CAMSAP1: variants seen among roughly 807,000 people sequenced by gnomAD.
The protein encoded by CAMSAP1 is calmodulin regulated spectrin associated protein 1.
A neutral mutation model predicts 143.5 loss-of-function variants in CAMSAP1; 58 were observed. That is an observed-to-expected ratio of 0.40 (90% CI 0.33 to 0.50). CAMSAP1 has a LOEUF of 0.50. CAMSAP1 is among the 20% of genes least tolerant of loss of function. The probability of loss-of-function intolerance (pLI) is 0.45; values close to 1 mark genes in which losing one functional copy is unlikely to be tolerated. For missense variants in CAMSAP1, 1,969 were observed against 2,115.7 expected, an observed-to-expected ratio of 0.93 and a Z score of 1.36; for synonymous variants, 945 against 859.3, an observed-to-expected ratio of 1.10 and a Z score of -1.74.
chr9:135,850,420 A>G lies in CAMSAP1; in HGVS notation c.850T>C (p.Tyr284His). ...KEVTSMADSL[Y>H]NIRLLREFSN... ...AATTCTCTCAGAAGCCGAATATTATACAGACTGTCGGCCATCGACGTTACC... is the reference window on the plus strand; with the variant it reads ...AATTCTCTCAGAAGCCGAATATTATGCAGACTGTCGGCCATCGACGTTACC... The change falls in exon 6 of 17, where the codon TAT becomes CAT. Residue 284 changes from tyrosine (Y) to histidine (H), a missense_variant. Coordinates refer to ENST00000389532, the MANE Select transcript of CAMSAP1 (RefSeq NM_015447.4). 2 of 1,607,992 alleles carry G rather than the reference A, an allele frequency of 1.2e-6. No homozygotes were observed. The highest frequency in any genetic ancestry group is 1.3e-5 in the African/African-American group (1 of 74,648).
intron 16 of CAMSAP1, among the ~76,000 whole-genome samples, chr9:135,813,876 A>G (rs1268345803): frequency 6.6e-6 from 1 of 152,230 alleles, no homozygotes; most frequent in Non-Finnish European, 1.5e-5. Flanking sequence ...AGGGCTTTCC[A>G]TGGCCCACAG....
intron 1 of CAMSAP1, among the ~76,000 whole-genome samples, chr9:135,894,478 G>A (rs1210546340): frequency 2.0e-5 from 3 of 152,194 alleles, no homozygotes; most frequent in Non-Finnish European, 4.4e-5. Context: ...TCTTGGTCCT[G>A]TGCGCAGAGA....
Position 135,827,436 on chromosome 9 carries a change from G to A in CAMSAP1, c.1194C>T (p.His398=), listed in dbSNP as rs1424108058. The A allele has an allele frequency of 5.7e-6, 9 of 1,588,952 alleles. No homozygotes were observed. The highest frequency in any genetic ancestry group is 1.7e-5 in the Admixed American group (1 of 58,152). The change falls in exon 8 of 17, where the codon CAC becomes CAT. Residue 398 remains histidine (H), a synonymous_variant. Coordinates refer to ENST00000389532, the MANE Select transcript of CAMSAP1 (RefSeq NM_015447.4). The part of the protein sequence containing the change: ...VQLPAEGCHR[H]YLHPEEPEYL... ...ATTCAGGTTCTTCCGGGTGCAGGTA[G>A]TGCCTGTGACAGCCTTCCGCCGGCA...
Position 135,883,073 on chromosome 9 carries a change from T to A in CAMSAP1, c.166A>T (p.Ile56Phe). 2.6e-6 allele frequency: 4 copies of A among 1,551,622 alleles called. No individual in the cohort carries two copies. Among genetic ancestry groups the A allele is most frequent in the Non-Finnish European group, 3.5e-6 (4 of 1,146,970 alleles). ...ICAKAYGRDNIPEDLRDPFYV... is the reference protein window; with the variant it reads ...ICAKAYGRDNFPEDLRDPFYV... ...AAAGGGTCTCTGAGGTCCTCAGGGATGTTATCTAAGACAGGGAGGGGATGA... is the reference window on the plus strand; with the variant it reads ...AAAGGGTCTCTGAGGTCCTCAGGGAAGTTATCTAAGACAGGGAGGGGATGA... Residue 56 changes from isoleucine (I) to phenylalanine (F), a missense_variant, in exon 2 of 17, where the codon ATC becomes TTC. Physicochemically the swap from Ile to Phe is conservative, Grantham distance 21. Coordinates refer to ENST00000389532, the MANE Select transcript of CAMSAP1 (RefSeq NM_015447.4).
At chr9:135,812,728 G>T (rs763893295) in intron 16 of CAMSAP1, among the ~76,000 whole-genome samples, 14 of 152,198 alleles carry the variant, frequency 9.2e-5, no homozygotes, top group African/African-American at 1.4e-4. Flanking sequence ...CAACACTTTG[G>T]GAAGCTGAGG....
At chr9:135,883,213 ATAAT>A (rs780327956) in intron 1 of CAMSAP1, 135 bp from the exon 2 acceptor site, 24 of 906,620 alleles carry the variant, frequency 2.6e-5, no homozygotes, top group East Asian at 5.3e-5. Flanking sequence ...GTCAAAAAAA[ATAAT>A]TGATTGATTG....
At position 135,907,359 on chromosome 9, in the gene CAMSAP1, A is replaced by C; in HGVS notation, c.-200T>G. ...CGGCTGCTGCATGCTGCGGGCGCTG[A>C]GCCCGAGCGGAGGAGGTGCCGAGCC... On this transcript the variant is annotated 5_prime_UTR_variant, in exon 1 of 17. Coordinates refer to ENST00000389532, the MANE Select transcript of CAMSAP1 (RefSeq NM_015447.4). 5.7e-6 allele frequency: 1 copy of C among 176,872 alleles called. No individual in the cohort carries two copies. Among genetic ancestry groups the C allele is most frequent in the Non-Finnish European group, 1.1e-5 (1 of 93,370 alleles). The allele number at this position is 176,872 out of a possible 1,614,324, so 11.0% of individuals were successfully genotyped here.
intron 14 of CAMSAP1, 127 bp downstream of exon 14, chr9:135,817,850 G>T: frequency 1.3e-6 from 1 of 753,928 alleles, no homozygotes; most frequent in Non-Finnish European, 2.1e-6. Context: ...CAACTATTCT[G>T]TAAATGTGAA....
At chr9:135,813,228 G>A (rs1218658004) in intron 16 of CAMSAP1, among the ~76,000 whole-genome samples, 2 of 152,144 alleles carry the variant, frequency 1.3e-5, no homozygotes, top group East Asian at 3.9e-4. Context: ...CCAAGTGTGC[G>A]GCAGAACCTT....
In CAMSAP1 at chr9:135,875,336, A is replaced by G. The variant is rs139488992; in HGVS notation, c.585+6297T>C. 8.7e-3 allele frequency among the ~76,000 whole-genome samples: 1,319 copies of G among 152,028 alleles called. 18 individuals are homozygous for G. Among genetic ancestry groups the G allele is most frequent in the African/African-American group, 0.03 (1,242 of 41,418 alleles). ...GCAATTCTCCTGTCTCAGCCTCCCA[A>G]GCAGCTGGGATTACAGGCATGTGCC... On this transcript the variant is annotated intron_variant, in intron 3 of 16. Transcript: ENST00000389532.
intron 3 of CAMSAP1, among the ~76,000 whole-genome samples, chr9:135,877,340 G>A (rs982991068): frequency 6.6e-6 from 1 of 152,000 alleles, no homozygotes; most frequent in Admixed American, 6.6e-5. Flanking sequence ...CTGCATTGGG[G>A]TAGAGGATTA....
chr9:135,894,487 G>C (rs1838388843), intron 1 of CAMSAP1, among the ~76,000 whole-genome samples: 1 of 152,208 alleles, frequency 6.6e-6, no homozygotes, highest in Non-Finnish European at 1.5e-5. Flanking sequence ...TGTGCGCAGA[G>C]ACTCCCATGT....
In CAMSAP1 at chr9:135,829,128, G is replaced by A. The variant is rs558909363; in HGVS notation, c.1046-1544C>T. The stretch of plus-strand genomic sequence containing the variant: ...AACATAAAAAGTATGAAACGTATTG[G>A]TAAAGGGAAATATACAGACACAAAC... On this transcript the variant is annotated intron_variant, in intron 7 of 16. Coordinates refer to ENST00000389532, the MANE Select transcript of CAMSAP1 (RefSeq NM_015447.4). Among the ~76,000 whole-genome samples the A allele has an allele frequency of 4.6e-5, 7 of 152,336 alleles. No individual in the cohort carries two copies. The South Asian group carries it at 1.4e-3, about 32-fold the overall frequency.
At chr9:135,831,870 A>T (rs140372133) in intron 7 of CAMSAP1, among the ~76,000 whole-genome samples, 184 of 152,352 alleles carry the variant, frequency 1.2e-3, no homozygotes, top group African/African-American at 4.2e-3. Flanking sequence ...ATCTCTAGAA[A>T]TATACAATCT....
intron 3 of CAMSAP1, among the ~76,000 whole-genome samples, chr9:135,875,499 C>A (rs960769780): frequency 3.9e-5 from 6 of 152,160 alleles, no homozygotes; most frequent in African/African-American, 1.4e-4. Flanking sequence ...GCATGAGCCA[C>A]CACGCCCAGC....
At chr9:135,828,963 C>T (rs531528569) in intron 7 of CAMSAP1, among the ~76,000 whole-genome samples, 111 of 152,300 alleles carry the variant, frequency 7.3e-4, no homozygotes, top group Admixed American at 1.8e-3. Flanking sequence ...CGAAGCAATA[C>T]TTCAGAAACA....
At chr9:135,875,910 A>G (rs1837731404) in intron 3 of CAMSAP1, among the ~76,000 whole-genome samples, 1 of 152,162 alleles carries the variant, frequency 6.6e-6, no homozygotes, top group African/African-American at 2.4e-5. Flanking sequence ...AAAAGGACAA[A>G]CCATAAAAGG....
At chr9:135,874,080 A>G (rs775372261) in intron 3 of CAMSAP1, among the ~76,000 whole-genome samples, 1 of 152,214 alleles carries the variant, frequency 6.6e-6, no homozygotes, top group Non-Finnish European at 1.5e-5. Flanking sequence ...AAAATCAATT[A>G]CTGTAATTCA....
chr9:135,855,864 A>G (rs1385924163), intron 5 of CAMSAP1, among the ~76,000 whole-genome samples: 2 of 152,014 alleles, frequency 1.3e-5, no homozygotes, highest in Non-Finnish European at 2.9e-5. Context: ...CATCCTGGCT[A>G]ACACGGTGAA....
Sources: allele counts gnomAD v4.1 joint callset (sites outside exome capture counted in the v4.1 genomes callset), GRCh38; gene constraint gnomAD v4.1.1; transcripts MANE v1.5; gene names NCBI Gene and HGNC (gene_info 2026-07-23, HGNC 2026-07-21).